Variants in MYO1D observed in about 807,000 individuals in gnomAD.
MYO1D encodes unconventional myosin-Id.
In MYO1D, 83 loss-of-function variants were observed where a neutral mutation model predicts 122.0. The observed-to-expected ratio is 0.68, with a 90% confidence interval of 0.57 to 0.82. The LOEUF (loss-of-function observed/expected upper bound fraction) is 0.82, where lower values mean the gene tolerates loss of function less well. Among genes scored for constraint, MYO1D ranks in the 40% least tolerant of loss-of-function variants. MYO1D has a pLI of 0.00. For missense variants in MYO1D, 1,157 were observed against 1,269.5 expected (o/e 0.91, Z 1.35); for synonymous variants, 464 against 446.9 (o/e 1.04, Z -0.48).
intron 20 of MYO1D, among the ~76,000 whole-genome samples, 171 bp from the exon 21 acceptor site, chr17:32,605,412 T>A (rs927621089): frequency 6.6e-6 from 1 of 152,076 alleles, no homozygotes; most frequent in Non-Finnish European, 1.5e-5. Flanking sequence ...CTGGACAACA[T>A]AACGAGACAC....
intron 5 of MYO1D, 90 bp from the exon 6 acceptor site, chr17:32,771,310 G>T: frequency 1.1e-6 from 1 of 884,134 alleles, no homozygotes; most frequent in Non-Finnish European, 1.7e-6. Context: ...TTCATTTTCT[G>T]GGCTTAATTC....
intron 21 of MYO1D, among the ~76,000 whole-genome samples, chr17:32,545,440 C>T (rs903331040): frequency 6.6e-6 from 1 of 152,134 alleles, no homozygotes; most frequent in African/African-American, 2.4e-5. Context: ...ATTATTAGAT[C>T]GTAAACCCTT....
chr17:32,630,625 T>G (rs1429508577), intron 20 of MYO1D, among the ~76,000 whole-genome samples: 1 of 151,784 alleles, frequency 6.6e-6, no homozygotes, highest in East Asian at 1.9e-4. Flanking sequence ...CAGGCTGGAG[T>G]GCAGTGGTGT....
chr17:32,760,653 G>C (rs769461956), intron 8 of MYO1D, 26 bp from the exon 9 acceptor site: 4 of 1,584,340 alleles, frequency 2.5e-6, no homozygotes, highest in Non-Finnish European at 3.4e-6. Flanking sequence ...CATCATAAAT[G>C]CTTGCCAATT....
At chr17:32,543,306 G>A (rs1165070127) in intron 21 of MYO1D, among the ~76,000 whole-genome samples, 1 of 151,762 alleles carries the variant, frequency 6.6e-6, no homozygotes, top group Admixed American at 6.6e-5. Flanking sequence ...GCTGGGTGTG[G>A]TGGCTCACAC....
At chr17:32,719,096 T>C (rs2089479368) in intron 15 of MYO1D, among the ~76,000 whole-genome samples, 1 of 152,210 alleles carries the variant, frequency 6.6e-6, no homozygotes, top group East Asian at 1.9e-4. Flanking sequence ...AAAATTATTT[T>C]ACCCAATTTT....
chr17:32,529,904 C>A (rs1022486350), intron 21 of MYO1D: 1 of 152,224 alleles, frequency 6.6e-6, no homozygotes, highest in Admixed American at 6.5e-5. Context: ...CCCACTGTAC[C>A]TGGGCTCCAC....
At chr17:32,549,964 G>A (rs140721412) in intron 21 of MYO1D, among the ~76,000 whole-genome samples, 2 of 152,196 alleles carry the variant, frequency 1.3e-5, no homozygotes, top group African/African-American at 4.8e-5. Flanking sequence ...AAGTTCTATG[G>A]AATGTGCCTA....
intron 16 of MYO1D, among the ~76,000 whole-genome samples, chr17:32,660,373 T>G (rs2088546016): frequency 6.6e-6 from 1 of 152,248 alleles, no homozygotes; most frequent in African/African-American, 2.4e-5. Flanking sequence ...GTATGGGTTC[T>G]GCAGACTCCC....
chr17:32,641,450 G>C (rs1337573690), intron 19 of MYO1D, among the ~76,000 whole-genome samples: 1 of 152,182 alleles, frequency 6.6e-6, no homozygotes, highest in African/African-American at 2.4e-5. Flanking sequence ...CATATACCCA[G>C]TAATGGGATG....
At chr17:32,750,449 G>A (rs1281908927) in intron 11 of MYO1D, among the ~76,000 whole-genome samples, 1 of 151,370 alleles carries the variant, frequency 6.6e-6, no homozygotes, top group Non-Finnish European at 1.5e-5. Context: ...CTGTCTCTAT[G>A]AAAAAAATAC....
intron 8 of MYO1D, among the ~76,000 whole-genome samples, chr17:32,763,137 G>C (rs1252480823): frequency 6.6e-6 from 1 of 151,422 alleles, no homozygotes; most frequent in Non-Finnish European, 1.5e-5. Flanking sequence ...AGTGAGCTGA[G>C]ATTGTGCCAC....
chr17:32,503,173 G>A (rs1261673989), intron 21 of MYO1D, among the ~76,000 whole-genome samples: 13 of 152,224 alleles, frequency 8.5e-5, no homozygotes. Context: ...GCCTTCGCAG[G>A]CCCTGCACAA....
chr17:32,670,205 T>A (rs888487647), intron 16 of MYO1D, among the ~76,000 whole-genome samples: 2 of 152,142 alleles, frequency 1.3e-5, no homozygotes, highest in Admixed American at 6.5e-5. Context: ...TGAAAGACAT[T>A]TTCCTAAACC....
rs538983420 is a variant in MYO1D, at chr17:32,774,153, C to T, written c.565-1311G>A. ...GACTAGCCTTCCCCCACCTGCCCAA[C>T]AATTTCCTCTTAAAGAGGCGGCTGG... On this transcript the variant is annotated intron_variant, in intron 4 of 21. Transcript: ENST00000318217. Among the ~76,000 whole-genome samples, 5 of 152,322 alleles carry T rather than the reference C, an allele frequency of 3.3e-5. No homozygotes were observed. The East Asian group carries it at 9.6e-4, about 29-fold the overall frequency.
In MYO1D at chr17:32,855,843, C is replaced by T. The variant is rs139464752; in HGVS notation, c.95+20935G>A. On this transcript the variant is annotated intron_variant, in intron 1 of 21. Coordinates refer to ENST00000318217, the MANE Select transcript of MYO1D (RefSeq NM_015194.3). ...CATCTCTGGAACGCACAGCACAGGGCTCTTTGGATGAGGTTGTCTGAAGCA... is the reference window on the plus strand; with the variant it reads ...CATCTCTGGAACGCACAGCACAGGGTTCTTTGGATGAGGTTGTCTGAAGCA... Among the ~76,000 whole-genome samples, 5 of 152,280 alleles carry T rather than the reference C, an allele frequency of 3.3e-5. No homozygotes were observed. In the East Asian group the frequency reaches 9.7e-4, roughly 29 times the overall value.
chr17:32,586,805 A>G (rs974700070), intron 21 of MYO1D, among the ~76,000 whole-genome samples: 1 of 152,160 alleles, frequency 6.6e-6, no homozygotes, highest in African/African-American at 2.4e-5. Flanking sequence ...TCCACTCTCC[A>G]TGACTGCTCA....
At chr17:32,725,757 A>G (rs955154720) in intron 14 of MYO1D, among the ~76,000 whole-genome samples, 2 of 152,122 alleles carry the variant, frequency 1.3e-5, no homozygotes, top group Non-Finnish European at 2.9e-5. Flanking sequence ...GGAGCTACAA[A>G]TGGAAGAGAT....
chr17:32,543,593 A>G (rs1299361994), intron 21 of MYO1D, among the ~76,000 whole-genome samples: 1 of 151,684 alleles, frequency 6.6e-6, no homozygotes, highest in African/African-American at 2.4e-5. Flanking sequence ...CAAATAAATA[A>G]ATAAATAAAA....
Sources: gnomAD v4.1 joint callset for allele counts (sites outside exome capture counted in the v4.1 genomes callset) on GRCh38, gnomAD v4.1.1 for gene constraint, MANE v1.5 for transcripts, NCBI Gene and HGNC (gene_info 2026-07-23, HGNC 2026-07-21) for gene names.